Variants in TRAPPC9 observed in about 807,000 individuals in gnomAD.
TRAPPC9 encodes trafficking protein particle complex subunit 9, also known as IKK2 binding protein.
TRAPPC9 carries 83 observed loss-of-function variants against 124.0 expected under a neutral mutation model. That is an observed-to-expected ratio of 0.67 (90% CI 0.56 to 0.80). TRAPPC9 has a LOEUF of 0.80. Among genes scored for constraint, TRAPPC9 ranks in the 30% least tolerant of loss-of-function variants. The probability of loss-of-function intolerance (pLI) is 0.00; values close to 1 mark genes in which losing one functional copy is unlikely to be tolerated. For missense variants in TRAPPC9, 1,302 were observed against 1,508.3 expected, an observed-to-expected ratio of 0.86 and a Z score of 2.27; for synonymous variants, 638 against 617.5, an observed-to-expected ratio of 1.03 and a Z score of -0.49.
Position 140,186,257 on chromosome 8 carries a change from TC to T in TRAPPC9, c.2556+35201del, listed in dbSNP as rs543949292. 2.1e-3 allele frequency among the ~76,000 whole-genome samples: 327 copies of T among 152,352 alleles called. 4 individuals are homozygous for T. The Middle Eastern group carries it at 0.044, about 21-fold the overall frequency. On this transcript the variant is annotated intron_variant, in intron 17 of 22. Transcript: ENST00000438773. Reference sequence around the variant, plus strand: ...AATTTCTATACATTTTTATCACTGTTCCTTGCTCAATAGAACTACTTCTGTC... The same window carrying T: ...AATTTCTATACATTTTTATCACTGTTCTTGCTCAATAGAACTACTTCTGTC...
intron 17 of TRAPPC9, among the ~76,000 whole-genome samples, chr8:140,149,839 G>GCC (rs67368533): frequency 0.97 from 148,228 of 152,208 alleles, 72,198 homozygotes; most frequent in East Asian, 1. Context: ...ACGAGTGCGA[G>GCC]CAGTGGAGCC....
chr8:140,341,676 T>TG (rs1458909277), intron 9 of TRAPPC9, among the ~76,000 whole-genome samples: 1 of 144,082 alleles, frequency 6.9e-6, no homozygotes, highest in South Asian at 2.2e-4. Context: ...TATATACGCA[T>TG]GGGAAAAAAA....
chr8:139,980,891 G>A (rs1236161293), intron 19 of TRAPPC9, among the ~76,000 whole-genome samples: 6 of 152,086 alleles, frequency 3.9e-5, no homozygotes, highest in East Asian at 3.9e-4. Flanking sequence ...AGCCACCCAC[G>A]GACAACAGAG....
intron 20 of TRAPPC9, among the ~76,000 whole-genome samples, chr8:139,886,283 G>A (rs1490341951): frequency 6.6e-6 from 1 of 152,206 alleles, no homozygotes; most frequent in Non-Finnish European, 1.5e-5. Context: ...AAGAGAAATG[G>A]AAGGTTATTT....
chr8:140,036,799 G>A (rs914144440), intron 17 of TRAPPC9, among the ~76,000 whole-genome samples: 20 of 152,168 alleles, frequency 1.3e-4, no homozygotes, highest in African/African-American at 4.3e-4. Context: ...CTAAGATGCC[G>A]CGTGTGTGTT....
At chr8:139,849,979 G>A (rs1827339678) in intron 21 of TRAPPC9, among the ~76,000 whole-genome samples, 1 of 152,076 alleles carries the variant, frequency 6.6e-6, no homozygotes, top group Admixed American at 6.5e-5. Context: ...TTGTCCACCA[G>A]TGACCAGACC....
chr8:139,754,063 A>G (rs569356055), intron 21 of TRAPPC9, among the ~76,000 whole-genome samples: 2 of 152,338 alleles, frequency 1.3e-5, no homozygotes, highest in South Asian at 2.1e-4. Context: ...GAGACCATCC[A>G]GTGTGTTCTT....
chr8:140,145,700 GGTTTTT>G (rs561046270), intron 17 of TRAPPC9, among the ~76,000 whole-genome samples: 178 of 151,572 alleles, frequency 1.2e-3, no homozygotes, highest in Middle Eastern at 3.5e-3. Context: ...TTTTTTGGGG[GGTTTTT>G]GTTTTTGTTT....
chr8:139,941,590 C>T (rs1409964937), intron 19 of TRAPPC9, among the ~76,000 whole-genome samples: 1 of 152,226 alleles, frequency 6.6e-6, no homozygotes, highest in Non-Finnish European at 1.5e-5. Flanking sequence ...CAAGTGGTAA[C>T]ATCACCATCC....
chr8:140,221,456 C>A lies in TRAPPC9; in HGVS notation c.2556+3G>T. On this transcript the variant is annotated splice_donor_region_variant and intron_variant, in intron 17 of 22. Coordinates refer to ENST00000438773, the MANE Select transcript of TRAPPC9 (RefSeq NM_001160372.4). ...GCAGATGCCGTCTGCCATACCAACT[C>A]ACCTTCACGTGGCTGTAGTCGCCTG... The A allele has an allele frequency of 6.2e-7, 1 of 1,614,074 alleles. No homozygotes were observed.
chr8:140,052,211 A>AAACAACAAC (rs58435328), intron 17 of TRAPPC9, among the ~76,000 whole-genome samples: 2 of 151,600 alleles, frequency 1.3e-5, no homozygotes, highest in East Asian at 1.9e-4. Flanking sequence ...GTATTCTCCA[A>AAACAACAAC]AACAACAACA....
At chr8:140,245,142 T>C (rs2063950363) in intron 16 of TRAPPC9, among the ~76,000 whole-genome samples, 1 of 152,202 alleles carries the variant, frequency 6.6e-6, no homozygotes, top group South Asian at 2.1e-4. Context: ...AATACAACAC[T>C]GATTGACAAA....
At chr8:139,967,808 GGTTTTAAAAAGCACGCTTT>G (rs1835799249) in intron 19 of TRAPPC9, among the ~76,000 whole-genome samples, 1 of 152,166 alleles carries the variant, frequency 6.6e-6, no homozygotes, top group Non-Finnish European at 1.5e-5. Context: ...TAATAAAACA[GGTTTTAAAAAGCACGCTTT>G]GTTTTTGTTT....
chr8:140,195,816 T>C (rs77244694), intron 17 of TRAPPC9, among the ~76,000 whole-genome samples: 2 of 148,434 alleles, frequency 1.3e-5, no homozygotes, highest in African/African-American at 2.5e-5. Flanking sequence ...ACACCTGTGA[T>C]ACTAAAACAC....
At chr8:139,886,856 TGAGAATCGCATTG>T (rs987383755) in intron 20 of TRAPPC9, among the ~76,000 whole-genome samples, 3 of 152,166 alleles carry the variant, frequency 2.0e-5, no homozygotes, top group Non-Finnish European at 4.4e-5. Context: ...ACGTAGAACC[TGAGAATCGCATTG>T]GCCAACCCCA....
At position 139,731,159 on chromosome 8, in the gene TRAPPC9, G is replaced by A. The variant is rs1243641773; in HGVS notation, c.3349C>T (p.His1117Tyr). The change falls in exon 23 of 23, where the codon CAC (histidine) becomes TAC (tyrosine). Residue 1117 changes from histidine (H) to tyrosine (Y), a missense_variant. Physicochemically the swap from His to Tyr is moderately conservative, Grantham distance 83 (BLOSUM62 2). This residue lies in a region of TRAPPC9 where 640 missense variants were observed against 679.3 expected (regional missense o/e 0.94). Transcript: ENST00000438773. ...LFLYTGDFFL[H>Y]IRFHEDSTSK... ...GTGCTGTCCTCGTGGAACCGGATGT[G>A]GAGGAAGAAGTCTCCCGTGTAGAGG... is the stretch of plus-strand genomic sequence containing the variant. 1 of 1,614,010 alleles carries A rather than the reference G, an allele frequency of 6.2e-7. No individual in the cohort carries two copies. Among genetic ancestry groups the A allele is most frequent in the African/African-American group, 1.3e-5 (1 of 75,078 alleles).
intron 9 of TRAPPC9, among the ~76,000 whole-genome samples, chr8:140,334,457 C>T (rs1456135844): frequency 6.6e-6 from 1 of 152,102 alleles, no homozygotes; most frequent in Non-Finnish European, 1.5e-5. Context: ...CGACACTAGC[C>T]TAGCCAACGT....
rs544439364 is a variant in TRAPPC9 at position 140,372,412 on chromosome 8, G to C, written c.1135-1232C>G. ...CGCGCTCACTGCCATGGCCTCGATGGGGCCCTCGTCAGCCCTCATCTGGAA... is the reference window on the plus strand; with the variant it reads ...CGCGCTCACTGCCATGGCCTCGATGCGGCCCTCGTCAGCCCTCATCTGGAA... On this transcript the variant is annotated intron_variant, in intron 7 of 22. Coordinates refer to ENST00000438773, the MANE Select transcript of TRAPPC9 (RefSeq NM_001160372.4). Among the ~76,000 whole-genome samples the C allele has an allele frequency of 1.1e-4, 16 of 152,244 alleles. 1 individual carries two copies. In the South Asian group the frequency reaches 3.3e-3, roughly 32 times the overall value.
chr8:140,130,258 T>A lies in TRAPPC9; in HGVS notation c.2556+91201A>T, dbSNP rs1288949402. The stretch of plus-strand genomic sequence containing the variant: ...GAAGGCTGATAAAGAACAGGATCTT[T>A]ACATCACTTTACAGCACCTTCGTAG... On this transcript the variant is annotated intron_variant, in intron 17 of 22. Coordinates refer to ENST00000438773, the MANE Select transcript of TRAPPC9 (RefSeq NM_001160372.4). Among the ~76,000 whole-genome samples the A allele has an allele frequency of 3.9e-5, 6 of 152,136 alleles. No individual in the cohort carries two copies. The East Asian group carries it at 1.2e-3, about 29-fold the overall frequency.
Sources: gnomAD v4.1 joint callset for allele counts (sites outside exome capture counted in the v4.1 genomes callset) on GRCh38, gnomAD v4.1.1 for gene constraint, gnomAD v4.1.1 regional missense constraint, MANE v1.5 for transcripts, NCBI Gene and HGNC (gene_info 2026-07-23, HGNC 2026-07-21) for gene names.